The following SCFD1 variants were observed in gnomAD, a reference collection of about 807,000 sequenced individuals.
SCFD1 encodes the protein sec1 family domain-containing protein 1.
A neutral mutation model predicts 103.2 loss-of-function variants in SCFD1; 37 were observed. The observed-to-expected ratio is 0.36, with a 90% CI of 0.28 to 0.47. The LOEUF (loss-of-function observed/expected upper bound fraction) is 0.47, where lower values mean the gene tolerates loss of function less well. Ranked by LOEUF, SCFD1 falls within the 20% of genes least tolerant of loss-of-function variation. The probability of loss-of-function intolerance (pLI) is 1.00; values close to 1 mark genes in which losing one functional copy is unlikely to be tolerated. For synonymous variants in SCFD1, 264 were observed against 245.0 expected (o/e 1.08, Z -0.73); for missense variants, 639 against 761.2 (o/e 0.84, Z 1.89).
At chr14:30,711,388 G>A (rs1891858398) in intron 19 of SCFD1, among the ~76,000 whole-genome samples, 1 of 152,196 alleles carries the variant, frequency 6.6e-6, no homozygotes, top group African/African-American at 2.4e-5. Flanking sequence ...CAGGCAGATT[G>A]CTTGAGCCCA....
intron 10 of SCFD1, among the ~76,000 whole-genome samples, chr14:30,657,521 T>TA (rs1454267650): frequency 2.0e-5 from 3 of 152,208 alleles, no homozygotes; most frequent in African/African-American, 7.2e-5. Flanking sequence ...AAGTAGATGG[T>TA]AGAGTTTTTT....
intron 20 of SCFD1, among the ~76,000 whole-genome samples, chr14:30,717,721 G>A (rs374428316): frequency 3.3e-5 from 5 of 151,496 alleles, no homozygotes; most frequent in African/African-American, 4.9e-5. Context: ...GTGAAACCCC[G>A]TCTCTACAAA....
At chr14:30,690,354 T>A (rs7157972) in intron 14 of SCFD1, among the ~76,000 whole-genome samples, 1 of 77,552 alleles carries the variant, frequency 1.3e-5, no homozygotes, top group Non-Finnish European at 2.1e-5. Flanking sequence ...TCGAGCTTCC[T>A]GGCTGCTTTG....
chr14:30,717,556 A>AGCT (rs2139398062), intron 20 of SCFD1, among the ~76,000 whole-genome samples: 1 of 152,330 alleles, frequency 6.6e-6, no homozygotes, highest in Non-Finnish European at 1.5e-5. Context: ...TGACAGTAAT[A>AGCT]ATGATAATAG....
Position 30,634,008 on chromosome 14 carries a change from A to G in SCFD1, c.283A>G (p.Thr95Ala), listed in dbSNP as rs186360146. 25 of 1,596,868 alleles carry G rather than the reference A, an allele frequency of 1.6e-5. No individual in the cohort carries two copies. The highest frequency in any genetic ancestry group is 2.1e-5 in the Non-Finnish European group (24 of 1,168,250). ...DVPAVYFVMP[T>A]EENIDRMCQD... ...TCCTGCAGTATACTTTGTAATGCCA[A>G]CTGAAGAAAATATTGACAGAATGTG... Residue 95 changes from threonine to alanine, a missense_variant, in exon 4 of 25, where the codon ACT becomes GCT. Coordinates refer to ENST00000458591, the MANE Select transcript of SCFD1 (RefSeq NM_016106.4).
chr14:30,622,350 G>GGCGGCAGCGACAGCAGCA lies in SCFD1; in HGVS notation c.15_32dup (p.Thr8_Ala13dup), dbSNP rs1882911894. On this transcript the variant is annotated inframe_insertion, in exon 1 of 25. Transcript: ENST00000458591. ...TCGTGGGAGCCAAGATGGCGGCGGC[G>GGCGGCAGCGACAGCAGCA]GCGGCAGCGACAGCAGCAGCAGCAG... 3 of 1,570,244 alleles carry GGCGGCAGCGACAGCAGCA rather than the reference G, an allele frequency of 1.9e-6. No individual in the cohort carries two copies. Among genetic ancestry groups the GGCGGCAGCGACAGCAGCA allele is most frequent in the Non-Finnish European group, 2.6e-6 (3 of 1,158,340 alleles).
In SCFD1 at chr14:30,630,529, T is replaced by C; in HGVS notation, c.185T>C (p.Val62Ala). 6.2e-7 allele frequency: 1 copy of C among 1,603,730 alleles called. No individual in the cohort carries two copies. Among genetic ancestry groups the C allele is most frequent in the Non-Finnish European group, 8.5e-7 (1 of 1,171,198 alleles). Residue 62 changes from valine (V) to alanine (A), a missense_variant, in exon 3 of 25, where the codon GTG becomes GCG. By Grantham distance (64) the Val-to-Ala change is moderately conservative. Transcript: ENST00000458591. Reference sequence around the variant, plus strand: ...GATATAATCTCTCCTCTGCTATCTGTGAAGGAGCTAAGAGACATGGGAATC... The same window carrying C: ...GATATAATCTCTCCTCTGCTATCTGCGAAGGAGCTAAGAGACATGGGAATC... Reference protein sequence around the residue: ...GQDIISPLLSVKELRDMGITL... With the variant: ...GQDIISPLLSAKELRDMGITL...
In SCFD1 at chr14:30,632,869, A is replaced by G. The variant is rs566869538; in HGVS notation, c.222-1078A>G. 2.6e-5 allele frequency among the ~76,000 whole-genome samples: 4 copies of G among 152,324 alleles called. No individual in the cohort carries two copies. The South Asian group carries it at 8.3e-4, about 32-fold the overall frequency. The stretch of plus-strand genomic sequence containing the variant: ...TTACTCAGTACTTCATTCAGGGGTA[A>G]TAGGATAGTCTACCAGTTTGAGAGT... On this transcript the variant is annotated intron_variant, in intron 3 of 24. Coordinates refer to ENST00000458591, the MANE Select transcript of SCFD1 (RefSeq NM_016106.4).
At chr14:30,629,356 CATT>C (rs2138993456) in intron 2 of SCFD1, among the ~76,000 whole-genome samples, 1 of 152,224 alleles carries the variant, frequency 6.6e-6, no homozygotes, top group South Asian at 2.1e-4. Context: ...TTCATTCTCT[CATT>C]AACAATTTCT....
At chr14:30,734,487 A>G in intron 23 of SCFD1, 1 of 338,926 alleles carries the variant, frequency 3.0e-6, no homozygotes, top group East Asian at 6.2e-5. Flanking sequence ...AAGATTTTAT[A>G]GGTAACTGTT....
chr14:30,726,926 G>A (rs1893082952), intron 23 of SCFD1, among the ~76,000 whole-genome samples: 1 of 152,090 alleles, frequency 6.6e-6, no homozygotes, highest in Admixed American at 6.6e-5. Flanking sequence ...ATAAGTTGTT[G>A]CCATTGAGTT....
At chr14:30,683,510 G>T in intron 14 of SCFD1, 1 of 312,806 alleles carries the variant, frequency 3.2e-6, no homozygotes, top group Non-Finnish European at 6.2e-6. Flanking sequence ...TTTGCCCATG[G>T]GACCCCCAGC....
chr14:30,703,672 T>C (rs1891231763), intron 17 of SCFD1, among the ~76,000 whole-genome samples: 1 of 151,098 alleles, frequency 6.6e-6, no homozygotes, highest in African/African-American at 2.4e-5. Context: ...ACAGTAGTTA[T>C]CTCTTGAGTG....
chr14:30,715,383 C>T, intron 19 of SCFD1: 1 of 152,036 alleles, frequency 6.6e-6, no homozygotes, highest in East Asian at 1.9e-4. Flanking sequence ...CCAGCCTGGC[C>T]AACATGGCGA....
In SCFD1 at chr14:30,705,875, A is replaced by C. The variant is rs1441484028; in HGVS notation, c.1543A>C (p.Lys515Gln). The change falls in exon 18 of 25, where the codon AAA becomes CAA. Residue 515 changes from lysine to glutamine, a missense_variant. Transcript: ENST00000458591. ...APASYGSTTTKPMGLLSRVMN... is the reference protein window; with the variant it reads ...APASYGSTTTQPMGLLSRVMN... ...GGCCAGCTATGGCAGCACTACCACT[A>C]AACCAATGGGGTAAGTATTTTTAAT... The C allele has an allele frequency of 6.2e-7, 1 of 1,612,590 alleles. No individual in the cohort carries two copies. The highest frequency in any genetic ancestry group is 1.7e-5 in the Admixed American group (1 of 59,952).
chr14:30,669,440 A>G (rs560439612), intron 10 of SCFD1, among the ~76,000 whole-genome samples: 1 of 152,182 alleles, frequency 6.6e-6, no homozygotes, highest in Non-Finnish European at 1.5e-5. Flanking sequence ...GAGGGAACCC[A>G]TAGATGTAAT....
intron 10 of SCFD1, chr14:30,658,159 T>C (rs1177556103): frequency 4.5e-6 from 2 of 448,106 alleles, no homozygotes; most frequent in Admixed American, 2.4e-5. Context: ...ATCTCTGTTT[T>C]TTTACTTGGC....
At chr14:30,733,969 T>C (rs1238043793) in intron 23 of SCFD1, among the ~76,000 whole-genome samples, 1 of 152,144 alleles carries the variant, frequency 6.6e-6, no homozygotes, top group Non-Finnish European at 1.5e-5. Context: ...GCCACAAGAA[T>C]CCCAATTATA....
intron 23 of SCFD1, among the ~76,000 whole-genome samples, chr14:30,733,601 AACCTG>A (rs1427875215): frequency 6.6e-6 from 1 of 152,228 alleles, no homozygotes; most frequent in Non-Finnish European, 1.5e-5. Flanking sequence ...TGTTTAGCCA[AACCTG>A]AATGAAGTAT....
Sources: allele counts gnomAD v4.1 joint callset (sites outside exome capture counted in the v4.1 genomes callset), GRCh38; gene constraint gnomAD v4.1.1; transcripts MANE v1.5; gene names NCBI Gene and HGNC (gene_info 2026-07-23, HGNC 2026-07-21).